Variants in ADCY8 observed in about 807,000 individuals in gnomAD.
ADCY8 encodes the protein adenylate cyclase type 8.
ADCY8 carries 51 observed loss-of-function variants against 119.7 expected under a neutral mutation model. The observed-to-expected ratio is 0.43, with a 90% CI of 0.34 to 0.54. The LOEUF is 0.54. Among genes scored for constraint, ADCY8 ranks in the 20% least tolerant of loss-of-function variants. ADCY8 has a pLI of 0.03. For synonymous variants in ADCY8, 665 were observed against 651.0 expected (o/e 1.02, Z -0.33); for missense variants, 1,383 against 1,598.8 (o/e 0.87, Z 2.30).
intron 9 of ADCY8, among the ~76,000 whole-genome samples, chr8:130,853,336 C>T (rs546932501): frequency 1.6e-4 from 25 of 152,200 alleles, no homozygotes; most frequent in Non-Finnish European, 2.5e-4. Context: ...CAGATGGCAC[C>T]GTCTCAGGTC....
At chr8:130,808,135 A>T (rs1032316609) in intron 14 of ADCY8, among the ~76,000 whole-genome samples, 21 of 151,898 alleles carry the variant, frequency 1.4e-4, no homozygotes, top group African/African-American at 5.1e-4. Flanking sequence ...CATCAAATTC[A>T]TCATTCTCTG....
chr8:130,800,767 G>C (rs1815752422), intron 14 of ADCY8, among the ~76,000 whole-genome samples, 195 bp from the exon 15 acceptor site: 1 of 152,196 alleles, frequency 6.6e-6, no homozygotes, highest in African/African-American at 2.4e-5. Context: ...CTTAGACTGA[G>C]TGGCTTATAA....
intron 11 of ADCY8, among the ~76,000 whole-genome samples, chr8:130,846,770 C>A: frequency 9.5e-6 from 1 of 105,412 alleles, no homozygotes. Flanking sequence ...CCTTCCCCTT[C>A]CTTCCTTCTC....
At chr8:131,011,064 AG>A (rs1165473227) in intron 1 of ADCY8, among the ~76,000 whole-genome samples, 8 of 152,296 alleles carry the variant, frequency 5.3e-5, no homozygotes, top group African/African-American at 1.9e-4. Flanking sequence ...TGAGCAAAAG[AG>A]GTATACCTTG....
intron 2 of ADCY8, among the ~76,000 whole-genome samples, chr8:130,969,598 T>A (rs1043352351): frequency 2.6e-5 from 4 of 152,190 alleles, no homozygotes; most frequent in Non-Finnish European, 2.9e-5. Flanking sequence ...CCCAAATGTG[T>A]TCCTGGCCAC....
intron 9 of ADCY8, among the ~76,000 whole-genome samples, chr8:130,856,218 C>T (rs796334034): frequency 4.4e-4 from 67 of 152,104 alleles, no homozygotes; most frequent in African/African-American, 1.5e-3. Context: ...CCAGCTTACA[C>T]CTTTCCTATC....
intron 1 of ADCY8, among the ~76,000 whole-genome samples, chr8:130,999,119 G>T (rs1324999642): frequency 6.6e-6 from 1 of 152,050 alleles, no homozygotes; most frequent in African/African-American, 2.4e-5. Context: ...TGTGTCCACC[G>T]TCTCTTATCT....
At chr8:130,957,106 C>G (rs1203852444) in intron 2 of ADCY8, among the ~76,000 whole-genome samples, 1 of 152,104 alleles carries the variant, frequency 6.6e-6, no homozygotes, top group Non-Finnish European at 1.5e-5. Flanking sequence ...CTGGAGGGCT[C>G]AGAAGAAGAC....
At chr8:131,029,528 A>G (rs2130806990) in intron 1 of ADCY8, among the ~76,000 whole-genome samples, 1 of 152,260 alleles carries the variant, frequency 6.6e-6, no homozygotes, top group East Asian at 1.9e-4. Flanking sequence ...AGGGTGATGT[A>G]TTTGCTAGCA....
chr8:130,918,366 C>T (rs1820194432), intron 5 of ADCY8, among the ~76,000 whole-genome samples: 1 of 152,100 alleles, frequency 6.6e-6, no homozygotes. Context: ...GGCACTAAGC[C>T]TCATTTAAAC....
At chr8:130,874,795 C>T (rs989252240) in intron 8 of ADCY8, among the ~76,000 whole-genome samples, 1 of 152,128 alleles carries the variant, frequency 6.6e-6, no homozygotes, top group Admixed American at 6.5e-5. Context: ...TCTTCCAGCT[C>T]ACCCTCCCCA....
At chr8:130,856,065 C>T (rs937590649) in intron 9 of ADCY8, among the ~76,000 whole-genome samples, 4 of 152,062 alleles carry the variant, frequency 2.6e-5, no homozygotes, top group African/African-American at 9.7e-5. Context: ...CCCTTCCTCC[C>T]CTTAATCCTT....
rs1161136558 is a variant in ADCY8 at position 130,992,382 on chromosome 8, CATATATAT to C, written c.961-1848_961-1841del. On this transcript the variant is annotated intron_variant, in intron 1 of 17. Transcript: ENST00000286355. ...TACATACATGAGCAACTGTATCTGG[CATATATAT>C]ATATATATATATATATATATATATA... Among the ~76,000 whole-genome samples, 261 of 78,006 alleles carry C rather than the reference CATATATAT, an allele frequency of 3.3e-3. 12 individuals carry two copies. The highest frequency in any genetic ancestry group is 6.8e-3 in the African/African-American group (128 of 18,750). The allele number at this position is 78,006 out of a possible 152,430, so 51.2% of individuals were successfully genotyped here.
At chr8:130,920,741 T>C (rs539508217) in intron 5 of ADCY8, among the ~76,000 whole-genome samples, 1 of 152,346 alleles carries the variant, frequency 6.6e-6, no homozygotes, top group African/African-American at 2.4e-5. Flanking sequence ...GGTGTTTTTT[T>C]AGGTGAGATG....
intron 11 of ADCY8, among the ~76,000 whole-genome samples, chr8:130,846,880 CCCTTCCCTTTCCTTCCTT>C (rs1206645824): frequency 4.6e-4 from 11 of 23,790 alleles, no homozygotes; most frequent in African/African-American, 2.5e-3. Flanking sequence ...CCCTTCCCTT[CCCTTCCCTTTCCTTCCTT>C]CCTTCCTTCC....
chr8:130,899,103 A>C (rs934393751), intron 7 of ADCY8, among the ~76,000 whole-genome samples: 3 of 152,122 alleles, frequency 2.0e-5, no homozygotes, highest in African/African-American at 7.2e-5. Flanking sequence ...TTTCTACCTC[A>C]GGGTGTCTGC....
intron 8 of ADCY8, among the ~76,000 whole-genome samples, chr8:130,875,491 A>G (rs1407902741): frequency 6.6e-6 from 1 of 152,258 alleles, no homozygotes; most frequent in Non-Finnish European, 1.5e-5. Context: ...TCATCTAAAT[A>G]AGACATGGAG....
chr8:130,825,747 C>T (rs891793046), intron 12 of ADCY8, among the ~76,000 whole-genome samples: 5 of 152,210 alleles, frequency 3.3e-5, no homozygotes, highest in African/African-American at 1.2e-4. Context: ...ATGTGGCTAA[C>T]CTCTTCGCTG....
At chr8:130,978,828 C>T (rs1822151195) in intron 2 of ADCY8, among the ~76,000 whole-genome samples, 1 of 152,164 alleles carries the variant, frequency 6.6e-6, no homozygotes, top group Admixed American at 6.5e-5. Flanking sequence ...ATGTATTTGA[C>T]TATCACCAAA....
Sources: allele counts gnomAD v4.1 joint callset (sites outside exome capture counted in the v4.1 genomes callset), GRCh38; gene constraint gnomAD v4.1.1; transcripts MANE v1.5; gene names NCBI Gene and HGNC (gene_info 2026-07-23, HGNC 2026-07-21).